Variants in SYCE1 observed in about 807,000 individuals in gnomAD.
SYCE1 encodes synaptonemal complex central element protein 1, also known as cancer/testis antigen 76.
In SYCE1, 37 loss-of-function variants were observed where a neutral mutation model predicts 55.1. The ratio of observed to expected loss-of-function variants is 0.67; its 90% CI spans 0.52 to 0.88. The LOEUF is 0.88. SYCE1 is among the 40% of genes least tolerant of loss of function. The pLI, the probability that SYCE1 is intolerant of heterozygous loss-of-function variation, is 0.00. For synonymous variants in SYCE1, 163 were observed against 159.4 expected (o/e 1.02, Z -0.17); for missense variants, 399 against 416.4 (o/e 0.96, Z 0.36).
upstream of SYCE1, among the ~76,000 whole-genome samples, chr10:133,567,061 T>C (rs34890953): frequency 0.097 from 14,607 of 151,358 alleles, 882 homozygotes; most frequent in East Asian, 0.25. Context: ...AGTTTGGGTT[T>C]GGGTGTTAGG....
intron 5 of SYCE1, 61 bp from the exon 6 acceptor site, chr10:133,557,979 G>C (rs1032790706): frequency 1.3e-6 from 2 of 1,588,774 alleles, no homozygotes; most frequent in Admixed American, 3.3e-5. Context: ...TTGGCAGGGG[G>C]AACACAGCCA....
chr10:133,565,800 T>A (rs377234748), upstream of SYCE1, among the ~76,000 whole-genome samples: 69 of 152,348 alleles, frequency 4.5e-4, no homozygotes, highest in South Asian at 0.012. Context: ...CCCCCGCGCA[T>A]GTGCGCTGGC....
downstream of SYCE1, chr10:133,554,757 C>A (rs914973178): frequency 3.0e-5 from 42 of 1,386,982 alleles, no homozygotes; most frequent in South Asian, 3.8e-5. Context: ...ACCTCCTGGG[C>A]CCACTGTGAG....
intron 6 of SYCE1, 140 bp from the exon 7 acceptor site, chr10:133,557,296 A>G: frequency 1.4e-6 from 1 of 710,468 alleles, no homozygotes; most frequent in Non-Finnish European, 2.5e-6. Context: ...GTAAGTAGGG[A>G]GTGACATGAC....
chr10:133,565,078 C>G (rs532761144), intron 1 of SYCE1, among the ~76,000 whole-genome samples: 1 of 152,286 alleles, frequency 6.6e-6, no homozygotes, highest in African/African-American at 2.4e-5. Context: ...ACTGGGAAAT[C>G]TGGACACTTG....
intron 1 of SYCE1, among the ~76,000 whole-genome samples, chr10:133,562,190 T>C (rs11101830): frequency 0.098 from 14,900 of 152,008 alleles, 901 homozygotes; most frequent in East Asian, 0.25. Flanking sequence ...AATATGTTGA[T>C]GAGATCTTAA....
At chr10:133,564,760 G>A (rs1463964981) in intron 1 of SYCE1, among the ~76,000 whole-genome samples, 1 of 152,178 alleles carries the variant, frequency 6.6e-6, no homozygotes, top group Non-Finnish European at 1.5e-5. Flanking sequence ...GGACGTCACC[G>A]TACAATTCTC....
upstream of SYCE1, chr10:133,565,685 G>A (rs1589973437): frequency 1.4e-6 from 1 of 711,992 alleles, no homozygotes; most frequent in South Asian, 2.1e-5. Context: ...AGGCCTGCGT[G>A]GCACTAGTGC....
chr10:133,564,143 T>C (rs1245469676), intron 1 of SYCE1, among the ~76,000 whole-genome samples: 1 of 152,068 alleles, frequency 6.6e-6, no homozygotes, highest in Non-Finnish European at 1.5e-5. Flanking sequence ...GTGGGGCCTT[T>C]GGGAGGTGAT....
chr10:133,563,406 G>C (rs1851859231), intron 1 of SYCE1, among the ~76,000 whole-genome samples: 1 of 152,164 alleles, frequency 6.6e-6, no homozygotes, highest in South Asian at 2.1e-4. Context: ...CATAAGGCCA[G>C]GCTCAGTGGT....
intron 10 of SYCE1, 33 bp from the exon 11 acceptor site, chr10:133,555,740 G>A (rs374944888): frequency 1.9e-6 from 3 of 1,608,820 alleles, no homozygotes; most frequent in Middle Eastern, 1.7e-4. Context: ...GTCAGCACCG[G>A]CCACTCCCTC....
intron 1 of SYCE1, chr10:133,560,894 A>G (rs1851801902): frequency 6.6e-6 from 1 of 152,218 alleles, no homozygotes; most frequent in African/African-American, 2.4e-5. Context: ...ACTCAGATAA[A>G]TGCATATCTG....
downstream of SYCE1, chr10:133,554,252 T>C (rs766943853): frequency 1.2e-6 from 2 of 1,605,868 alleles, no homozygotes. Context: ...ATGTTCCATT[T>C]TTCCATGGAA....
chr10:133,559,098 T>C, intron 3 of SYCE1, 147 bp from the exon 4 acceptor site: 5 of 960,718 alleles, frequency 5.2e-6, no homozygotes, highest in Non-Finnish European at 7.8e-6. Flanking sequence ...CTTGCCAGGC[T>C]CTGCTGATAG....
At chr10:133,554,687 T>C (rs527626286), downstream of SYCE1, 49 of 761,056 alleles carry the variant, frequency 6.4e-5, no homozygotes, top group African/African-American at 7.6e-4. Flanking sequence ...AGACCTGTAA[T>C]GAAGGAATTG....
At chr10:133,555,239 C>A in intron 12 of SYCE1, 110 bp from the exon 13 acceptor site, 1 of 1,568,172 alleles carries the variant, frequency 6.4e-7, no homozygotes, top group Non-Finnish European at 8.7e-7. Context: ...AAAGGCCCTC[C>A]CCATAGACCA....
intron 4 of SYCE1, chr10:133,558,595 G>C: frequency 1.9e-6 from 1 of 537,704 alleles, no homozygotes; most frequent in Non-Finnish European, 3.3e-6. Flanking sequence ...ATCCTGTCTG[G>C]GGACATTCTA....
chr10:133,565,865 C>CAT (rs1851923007), upstream of SYCE1, among the ~76,000 whole-genome samples: 1 of 152,242 alleles, frequency 6.6e-6, no homozygotes, highest in Non-Finnish European at 1.5e-5. Context: ...GAGCAGTACG[C>CAT]ATGTGTAGCG....
At chr10:133,554,377 C>A (rs1015281162), downstream of SYCE1, 1 of 1,560,460 alleles carries the variant, frequency 6.4e-7, no homozygotes, top group Non-Finnish European at 8.8e-7. Context: ...CATTCTGACT[C>A]AGGAGATGCA....
Sources: allele counts gnomAD v4.1 joint callset (sites outside exome capture counted in the v4.1 genomes callset), GRCh38; gene constraint gnomAD v4.1.1; transcripts MANE v1.5; gene names NCBI Gene and HGNC (gene_info 2026-07-23, HGNC 2026-07-21).